ATRX: variants seen among roughly 807,000 people sequenced by gnomAD.
The protein encoded by ATRX is ATRX chromatin remodeler.
ATRX carries 12 observed loss-of-function variants against 172.6 expected under a neutral mutation model. The ratio of observed to expected loss-of-function variants is 0.07; its 90% CI spans 0.04 to 0.11. The LOEUF is 0.11. ATRX is among the 10% of genes least tolerant of loss of function. The pLI is 1.00. For missense variants in ATRX, 1,368 were observed against 1,767.4 expected, an observed-to-expected ratio of 0.77 and a Z score of 4.05; for synonymous variants, 674 against 594.7, an observed-to-expected ratio of 1.13 and a Z score of -1.94.
intron 30 of ATRX, among the ~76,000 whole-genome samples, chrX:77,556,004 C>G (rs1459230603): frequency 9.3e-6 from 1 of 107,370 alleles, no homozygotes; most frequent in African/African-American, 3.4e-5. Context: ...AAAACCCCAT[C>G]TCTACTAAAA....
chrX:77,694,104 A>G (rs1557148447), intron 5 of ATRX, among the ~76,000 whole-genome samples, 167 bp from the exon 6 acceptor site: 1 of 112,260 alleles, frequency 8.9e-6, no homozygotes. Flanking sequence ...GGAAATAGTA[A>G]AAGGGCCAGG....
rs1557207705 is a variant in ATRX, at chrX:77,786,027, T to C, written c.-26A>G. On this transcript the variant is annotated 5_prime_UTR_variant, in exon 1 of 35. Coordinates refer to ENST00000373344, the MANE Select transcript of ATRX (RefSeq NM_000489.6). ...GTTTTCGCTTGAACGCCTTGTCGGCTTCTGTGATTGCTGGGCGCCGATCTG... is the reference window on the plus strand; with the variant it reads ...GTTTTCGCTTGAACGCCTTGTCGGCCTCTGTGATTGCTGGGCGCCGATCTG... 1 of 1,187,716 alleles carries C rather than the reference T, an allele frequency of 8.4e-7. No homozygotes were observed.
chrX:77,529,300 A>G lies in ATRX; in HGVS notation c.6700-5899T>C, dbSNP rs142964511. Among the ~76,000 whole-genome samples the G allele has an allele frequency of 3.1e-3, 344 of 111,509 alleles. 7 individuals are homozygous for G. The highest frequency in any genetic ancestry group is 0.03 in the Admixed American group (310 of 10,453). On this transcript the variant is annotated intron_variant, in intron 30 of 34. Transcript: ENST00000373344. Reference sequence around the variant, plus strand: ...GCCAAATTTCAAATTCAAGAAATGCAGAGAACCCCAGTAAGATATTCCACG... The same window carrying G: ...GCCAAATTTCAAATTCAAGAAATGCGGAGAACCCCAGTAAGATATTCCACG...
At chrX:77,530,191 C>A (rs189888140) in intron 30 of ATRX, among the ~76,000 whole-genome samples, 31 of 111,925 alleles carry the variant, frequency 2.8e-4, no homozygotes, top group Non-Finnish European at 1.3e-4. Flanking sequence ...TCCTTAATGA[C>A]TCTTGGGTAA....
chrX:77,648,505 T>C (rs1021282869), intron 15 of ATRX, among the ~76,000 whole-genome samples: 4 of 109,538 alleles, frequency 3.7e-5, no homozygotes, highest in African/African-American at 1.3e-4. Context: ...CTTAAGTAGC[T>C]AGAAAAAGAA....
At chrX:77,741,844 C>T (rs1212395646) in intron 1 of ATRX, among the ~76,000 whole-genome samples, 1 of 111,829 alleles carries the variant, frequency 8.9e-6, no homozygotes, top group Non-Finnish European at 1.9e-5. Context: ...GTGCTTTCTA[C>T]ATTATGTTTA....
intron 1 of ATRX, among the ~76,000 whole-genome samples, chrX:77,737,907 T>G (rs1557179997): frequency 8.9e-6 from 1 of 111,945 alleles, no homozygotes; most frequent in Non-Finnish European, 1.9e-5. Context: ...TTTGGTTTTC[T>G]TACTAACCTT....
intron 19 of ATRX, among the ~76,000 whole-genome samples, chrX:77,627,433 G>C (rs1374591536): frequency 9.1e-6 from 1 of 110,375 alleles, no homozygotes; most frequent in East Asian, 2.8e-4. Flanking sequence ...TGTTCGAAAG[G>C]AGTAAGTTTT....
intron 15 of ATRX, among the ~76,000 whole-genome samples, chrX:77,637,019 GGAA>G (rs1206767609): frequency 2.9e-5 from 3 of 104,381 alleles, no homozygotes; most frequent in South Asian, 4.5e-4. Flanking sequence ...AGAAGGAGGA[GGAA>G]GAAGAAGGAA....
intron 2 of ATRX, among the ~76,000 whole-genome samples, chrX:77,704,320 G>C (rs2072696579): frequency 8.9e-6 from 1 of 111,985 alleles, no homozygotes; most frequent in Non-Finnish European, 1.9e-5. Flanking sequence ...CTCTGCAGCT[G>C]GTCATCCTGA....
intron 1 of ATRX, among the ~76,000 whole-genome samples, chrX:77,761,156 G>T (rs1557192572): frequency 8.9e-6 from 1 of 111,895 alleles, no homozygotes; most frequent in African/African-American, 3.2e-5. Context: ...CAAAGTAAAA[G>T]AGCAAAATAC....
chrX:77,689,048 C>T, intron 6 of ATRX, 121 bp from the exon 7 acceptor site: 1 of 558,966 alleles, frequency 1.8e-6, no homozygotes, highest in African/African-American at 2.2e-5. Context: ...AGAAAAATGG[C>T]ATATTGGACA....
intron 28 of ATRX, among the ~76,000 whole-genome samples, chrX:77,564,338 T>C (rs1471362324): frequency 9.0e-6 from 1 of 111,175 alleles, no homozygotes; most frequent in Non-Finnish European, 1.9e-5. Context: ...GCCCTCAGGA[T>C]ATAAAGGATA....
intron 34 of ATRX, among the ~76,000 whole-genome samples, chrX:77,519,156 C>T (rs1159203029): frequency 9.0e-6 from 1 of 111,276 alleles, no homozygotes. Flanking sequence ...AAACAGGATA[C>T]CACTAAGTTA....
chrX:77,508,633 T>C lies in ATRX; in HGVS notation c.7201-4A>G, dbSNP rs782317502. On this transcript the variant is annotated splice_polypyrimidine_tract_variant and splice_region_variant and intron_variant, in intron 34 of 34. Transcript: ENST00000373344. ...TTCGCTGAACACAGCTGATTAACTA[T>C]AGAGAAAAAATGGGAGTCATTACAA... 10 of 1,209,823 alleles carry C rather than the reference T, an allele frequency of 8.3e-6. No homozygotes were observed. The Admixed American group carries it at 8.7e-5, about 11-fold the overall frequency.
chrX:77,569,908 T>G (rs1557066473), intron 28 of ATRX, among the ~76,000 whole-genome samples: 1 of 112,048 alleles, frequency 8.9e-6, no homozygotes. Flanking sequence ...GCAAAACTTT[T>G]GTAGGTCTAG....
intron 19 of ATRX, among the ~76,000 whole-genome samples, chrX:77,623,634 TAG>T (rs1411267734): frequency 9.0e-6 from 1 of 111,698 alleles, no homozygotes; most frequent in Non-Finnish European, 1.9e-5. Flanking sequence ...TCAATGAACA[TAG>T]ATGCTAAAAT....
chrX:77,732,515 A>G (rs782117195), intron 1 of ATRX, among the ~76,000 whole-genome samples: 1 of 112,230 alleles, frequency 8.9e-6, no homozygotes, highest in African/African-American at 3.2e-5. Flanking sequence ...TATCTCTGAT[A>G]AATATTGCTG....
chrX:77,655,124 G>C (rs1382544997), intron 13 of ATRX, among the ~76,000 whole-genome samples: 1 of 111,028 alleles, frequency 9.0e-6, no homozygotes, highest in Admixed American at 9.6e-5. Flanking sequence ...GTGGTTGCCA[G>C]GGGCTTCAGG....
Sources: allele counts gnomAD v4.1 joint callset (sites outside exome capture counted in the v4.1 genomes callset), GRCh38; gene constraint gnomAD v4.1.1; transcripts MANE v1.5; gene names NCBI Gene and HGNC (gene_info 2026-07-23, HGNC 2026-07-21).